Variants in CCSER2 observed in about 807,000 individuals in gnomAD.
CCSER2 encodes the protein coiled-coil serine rich protein 2.
Under a neutral mutation model 92.3 loss-of-function variants are expected in CCSER2, and 46 were observed. The observed-to-expected ratio is 0.50, with a 90% confidence interval of 0.39 to 0.64. The LOEUF is 0.64. Ranked by LOEUF, CCSER2 falls within the 30% of genes least tolerant of loss-of-function variation. The pLI, the probability that CCSER2 is intolerant of heterozygous loss-of-function variation, is 0.00. For missense variants in CCSER2, 1,244 were observed against 1,238.9 expected, an observed-to-expected ratio of 1.00 and a Z score of -0.06; for synonymous variants, 433 against 431.4, an observed-to-expected ratio of 1.00 and a Z score of -0.04.
chr10:84,391,067 A>C, intron 3 of CCSER2: 1 of 779,256 alleles, frequency 1.3e-6, no homozygotes, highest in Non-Finnish European at 2.4e-6. Context: ...AACAAACCAG[A>C]ATATATTCAG....
intron 3 of CCSER2, among the ~76,000 whole-genome samples, chr10:84,411,364 A>G (rs931410675): frequency 8.5e-5 from 13 of 152,206 alleles, no homozygotes; most frequent in African/African-American, 3.1e-4. Flanking sequence ...TAATGGGAAT[A>G]ACATTGAATC....
chr10:84,355,277 TTTC>T (rs1310687152), intron 1 of CCSER2, among the ~76,000 whole-genome samples: 5 of 152,238 alleles, frequency 3.3e-5, no homozygotes, highest in African/African-American at 9.6e-5. Flanking sequence ...CTATTCTTCC[TTTC>T]TTCTTATGCA....
At chr10:84,425,678 A>G in intron 4 of CCSER2, 53 bp from the exon 5 acceptor site, 1 of 1,283,486 alleles carries the variant, frequency 7.8e-7, no homozygotes, top group Non-Finnish European at 1.0e-6. Context: ...ATAAGAGTCA[A>G]CTTTTATGGA....
intron 9 of CCSER2, among the ~76,000 whole-genome samples, chr10:84,506,217 T>G (rs906777229): frequency 5.3e-5 from 8 of 152,088 alleles, no homozygotes; most frequent in Non-Finnish European, 5.9e-5. Context: ...CAGAAATTAT[T>G]TTTAAACAAT....
chr10:84,354,728 A>G (rs1845066643), intron 1 of CCSER2, among the ~76,000 whole-genome samples: 1 of 151,688 alleles, frequency 6.6e-6, no homozygotes, highest in Non-Finnish European at 1.5e-5. Context: ...TTGCCCTTGC[A>G]TTTCAGACTC....
At position 84,517,430 on chromosome 10, in the gene CCSER2, G is replaced by A. The variant is rs958720444; in HGVS notation, c.*3163G>A. On this transcript the variant is annotated 3_prime_UTR_variant, in exon 10 of 10. Transcript: ENST00000372088. ...ATTTTTATTTGTGCAATATTTTCAG[G>A]CATATAGGCTACTGTTCATTGTATT... 6.6e-6 allele frequency: 1 copy of A among 152,334 alleles called. No individual in the cohort carries two copies. Among genetic ancestry groups the A allele is most frequent in the Admixed American group, 6.6e-5 (1 of 15,248 alleles). The allele number at this position is 152,334 out of a possible 1,614,324, so 9.4% of individuals were successfully genotyped here.
At chr10:84,387,819 C>A (rs569383728) in intron 3 of CCSER2, among the ~76,000 whole-genome samples, 3 of 151,672 alleles carry the variant, frequency 2.0e-5, no homozygotes, top group Non-Finnish European at 4.4e-5. Context: ...TGAGCCACCG[C>A]GCCCGGCCAC....
At chr10:84,339,574 C>T (rs1230886425) in intron 1 of CCSER2, among the ~76,000 whole-genome samples, 1 of 151,660 alleles carries the variant, frequency 6.6e-6, no homozygotes. Flanking sequence ...CTCCCGGGTT[C>T]AAGTGATTAT....
At chr10:84,415,164 C>G (rs1167785459) in intron 3 of CCSER2, among the ~76,000 whole-genome samples, 1 of 152,234 alleles carries the variant, frequency 6.6e-6, no homozygotes, top group Non-Finnish European at 1.5e-5. Flanking sequence ...CCATCTCATC[C>G]TCAGCCCAGT....
At chr10:84,459,112 A>G (rs1845948050) in intron 6 of CCSER2, among the ~76,000 whole-genome samples, 1 of 152,104 alleles carries the variant, frequency 6.6e-6, no homozygotes, top group Non-Finnish European at 1.5e-5. Flanking sequence ...GATTCAAGCG[A>G]TTCTCCTGCG....
chr10:84,344,450 C>A (rs887371157), intron 1 of CCSER2, among the ~76,000 whole-genome samples: 1 of 151,044 alleles, frequency 6.6e-6, no homozygotes, highest in Non-Finnish European at 1.5e-5. Context: ...TCTTTATTTA[C>A]CTCTGATGAA....
chr10:84,507,426 T>A, intron 9 of CCSER2: 1 of 323,492 alleles, frequency 3.1e-6, no homozygotes, highest in Non-Finnish European at 4.5e-6. Flanking sequence ...TGTCAGAGCC[T>A]GCATGAAAGT....
Position 84,514,159 on chromosome 10 carries a change from A to G in CCSER2, c.3036A>G (p.Pro1012=), listed in dbSNP as rs183753803. ...SFQAKTSIPR[P]LTQRKEIMQN... The stretch of plus-strand genomic sequence containing the variant: ...AGGCCAAGACAAGCATCCCAAGGCC[A>G]CTAACACAACGAAAAGAAATCATGC... The change falls in exon 10 of 10, where the codon CCA becomes CCG. Residue 1012 remains proline (P), a synonymous_variant. Transcript: ENST00000372088. 6.5e-7 allele frequency: 1 copy of G among 1,536,282 alleles called. No homozygotes were observed. The highest frequency in any genetic ancestry group is 8.7e-7 in the Non-Finnish European group (1 of 1,146,970).
intron 6 of CCSER2, among the ~76,000 whole-genome samples, chr10:84,444,488 C>A (rs994879914): frequency 6.6e-6 from 1 of 152,014 alleles, no homozygotes; most frequent in Non-Finnish European, 1.5e-5. Context: ...TTGGCTTCAC[C>A]CTCATAGCTG....
At chr10:84,457,272 T>TTATATATTATATATA (rs1564684493) in intron 6 of CCSER2, among the ~76,000 whole-genome samples, 52 of 16,838 alleles carry the variant, frequency 3.1e-3, no homozygotes, top group East Asian at 3.4e-3. Context: ...ATATTATATA[T>TTATATATTATATATA]AATATATTAT....
intron 1 of CCSER2, among the ~76,000 whole-genome samples, chr10:84,337,890 G>C (rs1843927839): frequency 1.3e-5 from 2 of 152,294 alleles, no homozygotes; most frequent in South Asian, 2.1e-4. Context: ...AAAAGGAGCA[G>C]GTAGGGGAAT....
At chr10:84,481,283 C>T (rs1269946563) in intron 9 of CCSER2, among the ~76,000 whole-genome samples, 2 of 152,132 alleles carry the variant, frequency 1.3e-5, no homozygotes, top group East Asian at 3.9e-4. Flanking sequence ...TCTTACCTTA[C>T]AAATTCTTTC....
intron 9 of CCSER2, among the ~76,000 whole-genome samples, chr10:84,497,752 T>C (rs1213740910): frequency 6.6e-6 from 1 of 152,208 alleles, no homozygotes; most frequent in East Asian, 1.9e-4. Context: ...TACTTTCACC[T>C]AAATTATTTC....
chr10:84,358,627 T>TAC (rs1433328235), intron 1 of CCSER2, among the ~76,000 whole-genome samples: 31 of 148,890 alleles, frequency 2.1e-4, no homozygotes, highest in African/African-American at 7.6e-4. Context: ...CCTATCTAAA[T>TAC]ATATATATAT....
Sources: gnomAD v4.1 joint callset for allele counts (sites outside exome capture counted in the v4.1 genomes callset) on GRCh38, gnomAD v4.1.1 for gene constraint, MANE v1.5 for transcripts, NCBI Gene and HGNC (gene_info 2026-07-23, HGNC 2026-07-21) for gene names.